Variants in PDLIM7 observed in about 807,000 individuals in gnomAD.
The protein encoded by PDLIM7 is PDZ and LIM domain 7, also known as PDZ and LIM domain protein 7.
In PDLIM7, 37 loss-of-function variants were observed where a neutral mutation model predicts 53.9. The ratio of observed to expected loss-of-function variants is 0.69; its 90% CI spans 0.53 to 0.90. The LOEUF is 0.90. Among genes scored for constraint, PDLIM7 ranks in the 40% least tolerant of loss-of-function variants. The pLI, the probability that PDLIM7 is intolerant of heterozygous loss-of-function variation, is 0.00. For synonymous variants in PDLIM7, 300 were observed against 261.3 expected, an observed-to-expected ratio of 1.15 and a Z score of -1.43; for missense variants, 617 against 638.5, an observed-to-expected ratio of 0.97 and a Z score of 0.36.
intron 2 of PDLIM7, among the ~76,000 whole-genome samples, chr5:177,495,745 C>T (rs1759039755): frequency 6.6e-6 from 1 of 152,150 alleles, no homozygotes; most frequent in African/African-American, 2.4e-5. Context: ...GCTCCACCCA[C>T]ACCAGGGCAG....
chr5:177,483,867 C>A lies in PDLIM7; in HGVS notation c.1287G>T (p.Ala429=). Residue 429 remains alanine, a splice_region_variant and synonymous_variant, in exon 12 of 13, where the codon GCG becomes GCT. Transcript: ENST00000355841. ...TCAGTTCGAGGGGCGGGGCTCTCAC[C>A]GCACAGACGAAGCAGGTGTCATGCC... ...FSWHDTCFVC[A]ICQINLEGKT... is the part of the protein sequence containing the mutation. The A allele has an allele frequency of 6.2e-7, 1 of 1,612,786 alleles. No individual in the cohort carries two copies. Among genetic ancestry groups the A allele is most frequent in the Non-Finnish European group, 8.5e-7 (1 of 1,179,310 alleles).
At chr5:177,490,579 A>T in intron 7 of PDLIM7, 1 of 1,549,140 alleles carries the variant, frequency 6.5e-7, no homozygotes, top group Non-Finnish European at 8.7e-7. Flanking sequence ...CTGCAGCTCC[A>T]GGACATACTT....
At chr5:177,489,338 TG>T in intron 9 of PDLIM7, 54 bp downstream of exon 9, 1 of 1,323,406 alleles carries the variant, frequency 7.6e-7, no homozygotes, top group Non-Finnish European at 1.0e-6. Flanking sequence ...GGCAGACAGG[TG>T]GGGCTGGGCT....
intron 5 of PDLIM7, 163 bp from the exon 6 acceptor site, chr5:177,491,309 C>A (rs940771992): frequency 6.8e-7 from 1 of 1,469,162 alleles, no homozygotes; most frequent in Non-Finnish European, 9.3e-7. Context: ...GACAGGAGGG[C>A]GAAGTGGAGA....
At chr5:177,490,574 G>A (rs151110594) in intron 7 of PDLIM7, 1 of 1,558,386 alleles carries the variant, frequency 6.4e-7, no homozygotes, top group Non-Finnish European at 8.7e-7. Context: ...GGGCTCTGCA[G>A]CTCCAGGACA....
At chr5:177,495,423 T>TCC (rs1759021088) in intron 2 of PDLIM7, among the ~76,000 whole-genome samples, 2 of 152,164 alleles carry the variant, frequency 1.3e-5, no homozygotes, top group Non-Finnish European at 2.9e-5. Flanking sequence ...GGTGGGTCTC[T>TCC]TGGGGCAGGC....
chr5:177,491,512 G>T, intron 5 of PDLIM7: 2 of 1,027,884 alleles, frequency 1.9e-6, no homozygotes, highest in South Asian at 1.4e-5. Flanking sequence ...GAACAGCCGG[G>T]GACAAGGCGG....
Position 177,489,428 on chromosome 5 carries a change from C to A in PDLIM7, c.834G>T (p.Lys278Asn). Residue 278 changes from lysine to asparagine, a missense_variant, in exon 9 of 13, where the codon AAG becomes AAT. Lys to Asn is a moderately conservative substitution (Grantham distance 94). Coordinates refer to ENST00000355841, the MANE Select transcript of PDLIM7 (RefSeq NM_005451.5). ...GVPGGGSNNG[K>N]TPVCHQCHKV... ...TGTGGCACTGGTGACACACGGGAGT[C>A]TTGCCGTTGTTGCTGCCCCCTCCTG... 1 of 1,600,156 alleles carries A rather than the reference C, an allele frequency of 6.2e-7. No homozygotes were observed. The highest frequency in any genetic ancestry group is 2.2e-5 in the East Asian group (1 of 44,478).
chr5:177,490,231 G>C (rs991767805), intron 7 of PDLIM7: 2 of 1,448,422 alleles, frequency 1.4e-6, no homozygotes, highest in Non-Finnish European at 9.0e-7. Flanking sequence ...AAAGATAGAA[G>C]ACAGGCAGAG....
intron 10 of PDLIM7, among the ~76,000 whole-genome samples, chr5:177,487,428 TCTC>T (rs1289888773): frequency 6.6e-6 from 1 of 152,212 alleles, no homozygotes; most frequent in Non-Finnish European, 1.5e-5. Context: ...TCCCCTTTCT[TCTC>T]CTTCCGACTT....
chr5:177,490,651 C>G, intron 7 of PDLIM7: 2 of 1,153,928 alleles, frequency 1.7e-6, no homozygotes, highest in Non-Finnish European at 2.5e-6. Context: ...GGAAGGGAGG[C>G]AGGGAGGGAG....
intron 3 of PDLIM7, 44 bp from the exon 4 acceptor site, chr5:177,492,479 A>T: frequency 6.2e-7 from 1 of 1,613,552 alleles, no homozygotes; most frequent in South Asian, 1.1e-5. Flanking sequence ...GCCCGCAGGG[A>T]TCCCCACTGC....
intron 4 of PDLIM7, 97 bp from the exon 5 acceptor site, chr5:177,492,022 A>G: frequency 2.0e-6 from 1 of 495,844 alleles, no homozygotes; most frequent in Non-Finnish European, 3.3e-6. Context: ...CGGCAGCTCC[A>G]GCCCCCCACC....
At chr5:177,491,442 C>T in intron 5 of PDLIM7, 1 of 1,543,186 alleles carries the variant, frequency 6.5e-7, no homozygotes, top group Admixed American at 2.0e-5. Flanking sequence ...ATAAGACAGA[C>T]AGACAGATAA....
chr5:177,487,764 T>C (rs1347173026), intron 10 of PDLIM7: 6 of 272,772 alleles, frequency 2.2e-5, no homozygotes, highest in East Asian at 1.4e-4. Context: ...GCGTGTCAAG[T>C]TGGCCGTTCT....
intron 7 of PDLIM7, chr5:177,490,311 G>A: frequency 6.9e-7 from 1 of 1,445,672 alleles, no homozygotes; most frequent in Admixed American, 2.7e-5. Flanking sequence ...GTACCACAGG[G>A]CAAAGAGGGA....
chr5:177,484,407 G>A, intron 10 of PDLIM7: 1 of 563,170 alleles, frequency 1.8e-6, no homozygotes, highest in Non-Finnish European at 3.2e-6. Context: ...CTCAGTTCCT[G>A]ATTCCCTCAC....
At chr5:177,486,946 TTTTTTTTTTTTTTTTTTTTTTG>T (rs1758493369) in intron 10 of PDLIM7, among the ~76,000 whole-genome samples, 1 of 95,188 alleles carries the variant, frequency 1.1e-5, no homozygotes, top group Non-Finnish European at 2.0e-5. Flanking sequence ...TTTTTTTTTT[TTTTTTTTTTTTTTTTTTTTTTG>T]CTGTCTCCCA....
chr5:177,488,014 C>A, intron 10 of PDLIM7, 54 bp downstream of exon 10: 1 of 1,521,468 alleles, frequency 6.6e-7, no homozygotes, highest in East Asian at 2.3e-5. Context: ...CCCAGCAGCC[C>A]TCGTTCCCAC....
Sources: gnomAD v4.1 joint callset for allele counts (sites outside exome capture counted in the v4.1 genomes callset) on GRCh38, gnomAD v4.1.1 for gene constraint, MANE v1.5 for transcripts, NCBI Gene and HGNC (gene_info 2026-07-23, HGNC 2026-07-21) for gene names.